Variants in PIKFYVE observed in about 807,000 individuals in gnomAD.
PIKFYVE encodes the protein phosphoinositide kinase, FYVE-type zinc finger containing, also known as 1-phosphatidylinositol 3-phosphate 5-kinase.
A neutral mutation model predicts 257.9 loss-of-function variants in PIKFYVE; 122 were observed. The ratio of observed to expected loss-of-function variants is 0.47; its 90% confidence interval spans 0.41 to 0.55. The LOEUF (loss-of-function observed/expected upper bound fraction) is 0.55. PIKFYVE is among the 20% of genes least tolerant of loss of function. The probability of loss-of-function intolerance (pLI) is 0.00; values close to 1 mark genes in which losing one functional copy is unlikely to be tolerated. For synonymous variants in PIKFYVE, 892 were observed against 868.9 expected (o/e 1.03, Z -0.47); for missense variants, 2,160 against 2,536.6 (o/e 0.85, Z 3.19).
At chr2:208,309,654 G>T (rs527512605) in intron 12 of PIKFYVE, among the ~76,000 whole-genome samples, 19 of 152,294 alleles carry the variant, frequency 1.2e-4, no homozygotes, top group African/African-American at 4.3e-4. Context: ...GTACCTGAAA[G>T]AAATTATATT....
At chr2:208,338,710 C>G in intron 29 of PIKFYVE, 142 bp downstream of exon 29, 1 of 759,614 alleles carries the variant, frequency 1.3e-6, no homozygotes, top group Non-Finnish European at 2.3e-6. Context: ...ACTTGTAATC[C>G]TATCAGATTA....
chr2:208,330,152 C>G (rs915609007), intron 22 of PIKFYVE, among the ~76,000 whole-genome samples: 1 of 152,114 alleles, frequency 6.6e-6, no homozygotes, highest in Non-Finnish European at 1.5e-5. Context: ...CAACATTTTT[C>G]GGATACCTGT....
chr2:208,328,431 G>A (rs1697180507), intron 21 of PIKFYVE, 151 bp downstream of exon 21: 3 of 936,354 alleles, frequency 3.2e-6, no homozygotes, highest in Middle Eastern at 2.3e-4. Context: ...TTTTAAACTT[G>A]TGAAGTAAAT....
rs1366353067 is a variant in PIKFYVE at position 208,355,397 on chromosome 2, G to T, written c.*92G>T. On this transcript the variant is annotated 3_prime_UTR_variant, in exon 42 of 42. Transcript: ENST00000264380. ...GCTACATGTTTTATTTCTTCATCGT[G>T]TTCACCACTGTATGCCAAGGCTTTT... 2.0e-5 allele frequency: 19 copies of T among 963,236 alleles called. No individual in the cohort carries two copies. The highest frequency in any genetic ancestry group is 2.9e-5 in the Non-Finnish European group (18 of 614,638). The allele number at this position is 963,236 out of a possible 1,614,324, so 59.7% of individuals were successfully genotyped here.
chr2:208,300,664 A>G (rs1431418283), intron 8 of PIKFYVE, among the ~76,000 whole-genome samples: 1 of 152,222 alleles, frequency 6.6e-6, no homozygotes, highest in Non-Finnish European at 1.5e-5. Context: ...AGAAGAATAC[A>G]TAAATAGGAG....
chr2:208,329,925 T>G lies in PIKFYVE; in HGVS notation c.3791+12T>G. The G allele has an allele frequency of 6.2e-7, 1 of 1,609,676 alleles. No homozygotes were observed. The highest frequency in any genetic ancestry group is 8.5e-7 in the Non-Finnish European group (1 of 1,177,206). ...AGATACTGTTTCAGGTAAGAACATA[T>G]TTCTTCCTTCTGTTCCATTACACAT... On this transcript the variant is annotated intron_variant, in intron 22 of 41. Coordinates refer to ENST00000264380, the MANE Select transcript of PIKFYVE (RefSeq NM_015040.4).
intron 12 of PIKFYVE, among the ~76,000 whole-genome samples, chr2:208,311,014 G>A (rs1694877178): frequency 6.6e-6 from 1 of 152,144 alleles, no homozygotes. Flanking sequence ...GTCATGATGT[G>A]TGTAACTTTG....
intron 6 of PIKFYVE, among the ~76,000 whole-genome samples, chr2:208,287,566 G>A (rs997132055): frequency 2.0e-5 from 3 of 151,576 alleles, no homozygotes; most frequent in Admixed American, 1.3e-4. Flanking sequence ...GAGCCACCGC[G>A]CCTGGCCAGA....
In PIKFYVE at chr2:208,339,538, C is replaced by G. The variant is rs757957384; in HGVS notation, c.4793C>G (p.Thr1598Arg). The change falls in exon 30 of 42, where the codon ACA becomes AGA. Residue 1598 changes from threonine (T) to arginine (R), a missense_variant. This residue lies in a region of PIKFYVE where 699 missense variants were observed against 855.8 expected (regional missense o/e 0.82). Coordinates refer to ENST00000264380, the MANE Select transcript of PIKFYVE (RefSeq NM_015040.4). ...GTGGGAGGGCCCCCTGAGCTAGATA[C>G]AGCCAGCAGTTCCGAAGGTAGAGGT... ...QSVGGPPELD[T>R]ASSSEDVFDG... 5.6e-6 allele frequency: 9 copies of G among 1,614,184 alleles called. No homozygotes were observed. The highest frequency in any genetic ancestry group is 1.7e-6 in the Non-Finnish European group (2 of 1,180,024).
intron 39 of PIKFYVE, 103 bp from the exon 40 acceptor site, chr2:208,353,795 G>T: frequency 7.5e-7 from 1 of 1,338,660 alleles, no homozygotes; most frequent in South Asian, 1.2e-5. Flanking sequence ...TGTGTGTAAT[G>T]GTAGTGACTA....
chr2:208,310,272 A>G (rs997703147), intron 12 of PIKFYVE, among the ~76,000 whole-genome samples: 7 of 152,140 alleles, frequency 4.6e-5, no homozygotes, highest in African/African-American at 1.7e-4. Flanking sequence ...TTATCTTTAC[A>G]TTGAAATTAA....
intron 38 of PIKFYVE, among the ~76,000 whole-genome samples, chr2:208,351,944 A>G (rs967566717): frequency 3.3e-5 from 5 of 152,010 alleles, no homozygotes; most frequent in East Asian, 1.9e-4. Flanking sequence ...CCAAACTGTA[A>G]CAGTCCTAAT....
chr2:208,274,332 A>T (rs1450287874), intron 3 of PIKFYVE, among the ~76,000 whole-genome samples: 1 of 152,144 alleles, frequency 6.6e-6, no homozygotes, highest in Non-Finnish European at 1.5e-5. Flanking sequence ...CAGAATTGAG[A>T]GATTAGAAAA....
chr2:208,313,875 G>A (rs1163656086), intron 13 of PIKFYVE, among the ~76,000 whole-genome samples: 1 of 152,026 alleles, frequency 6.6e-6, no homozygotes, highest in Non-Finnish European at 1.5e-5. Context: ...GAGCTACCAC[G>A]CGCGGCCCAG....
At chr2:208,274,457 T>C (rs1689847620) in intron 3 of PIKFYVE, among the ~76,000 whole-genome samples, 1 of 152,188 alleles carries the variant, frequency 6.6e-6, no homozygotes, top group Admixed American at 6.5e-5. Context: ...GGATGCAGCA[T>C]TGGGAATTAG....
In PIKFYVE at chr2:208,302,138, T is replaced by G. The variant is rs548434342; in HGVS notation, c.1209-104T>G. On this transcript the variant is annotated intron_variant, in intron 9 of 41. Coordinates refer to ENST00000264380, the MANE Select transcript of PIKFYVE (RefSeq NM_015040.4). The stretch of plus-strand genomic sequence containing the variant: ...TCCAAGGGCCATTTGAAATTCTAAC[T>G]CTGATTAGAACTGAAAAAAAATATT... The G allele has an allele frequency of 2.2e-5, 21 of 960,660 alleles. No homozygotes were observed. In the East Asian group the frequency reaches 5.2e-4, roughly 24 times the overall value. The allele number at this position is 960,660 out of a possible 1,614,324, so 59.5% of individuals were successfully genotyped here.
intron 34 of PIKFYVE, 94 bp from the exon 35 acceptor site, chr2:208,347,765 G>A (rs1162147608): frequency 9.5e-7 from 1 of 1,048,950 alleles, no homozygotes; most frequent in Non-Finnish European, 1.4e-6. Context: ...GCTTCATATA[G>A]TGGTTACAAC....
At chr2:208,309,791 G>A (rs1694750787) in intron 12 of PIKFYVE, among the ~76,000 whole-genome samples, 1 of 152,192 alleles carries the variant, frequency 6.6e-6, no homozygotes, top group South Asian at 2.1e-4. Flanking sequence ...GAGGACAGAT[G>A]CCTGCATTGG....
rs1250431447 is a variant in PIKFYVE, at chr2:208,342,665, C to G, written c.5027+16C>G. On this transcript the variant is annotated intron_variant, in intron 32 of 41. Coordinates refer to ENST00000264380, the MANE Select transcript of PIKFYVE (RefSeq NM_015040.4). ...TTGCTCTCAGGTATTATTCATGGGA[C>G]TTTGACTTATGATGATATCTATGTA... 1.3e-6 allele frequency: 2 copies of G among 1,570,228 alleles called. No homozygotes were observed. The highest frequency in any genetic ancestry group is 1.8e-6 in the Non-Finnish European group (2 of 1,140,248).
Sources: allele counts gnomAD v4.1 joint callset (sites outside exome capture counted in the v4.1 genomes callset), GRCh38; gene constraint gnomAD v4.1.1; regional missense constraint gnomAD v4.1.1; transcripts MANE v1.5; gene names NCBI Gene and HGNC (gene_info 2026-07-23, HGNC 2026-07-21).